PKD1L1: variants seen among roughly 807,000 people sequenced by gnomAD.
PKD1L1 encodes the protein polycystin 1 like 1, transient receptor potential channel interacting, also known as polycystin-1-like protein 1.
Under a neutral mutation model 323.4 loss-of-function variants are expected in PKD1L1, and 236 were observed. The ratio of observed to expected loss-of-function variants is 0.73; its 90% CI spans 0.66 to 0.81. The LOEUF (loss-of-function observed/expected upper bound fraction) is 0.81, where lower values mean the gene tolerates loss of function less well. Among genes scored for constraint, PKD1L1 ranks in the 40% least tolerant of loss-of-function variants. PKD1L1 has a pLI of 0.00. For synonymous variants in PKD1L1, 1,344 were observed against 1,335.0 expected, an observed-to-expected ratio of 1.01 and a Z score of -0.15; for missense variants, 3,320 against 3,508.0, an observed-to-expected ratio of 0.95 and a Z score of 1.35.
intron 7 of PKD1L1, among the ~76,000 whole-genome samples, chr7:47,917,037 C>T (rs1174477463): frequency 6.6e-6 from 1 of 151,778 alleles, no homozygotes; most frequent in South Asian, 2.1e-4. Flanking sequence ...TAGGGAGGCA[C>T]CAGAGAAAGG....
intron 12 of PKD1L1, 76 bp from the exon 13 acceptor site, chr7:47,902,587 A>C: frequency 6.7e-7 from 1 of 1,492,178 alleles, no homozygotes; most frequent in South Asian, 1.3e-5. Flanking sequence ...CTTCATACCC[A>C]CTCATATCTG....
chr7:47,792,609 A>G lies in PKD1L1; in HGVS notation c.8526+18T>C. 6.4e-7 allele frequency: 1 copy of G among 1,569,416 alleles called. No individual in the cohort carries two copies. The highest frequency in any genetic ancestry group is 1.2e-5 in the South Asian group (1 of 85,588). ...TGCTATGAAGAAAATTGACATAAAT[A>G]ATTTTGCATGGTCTTACCTCAGCAG... On this transcript the variant is annotated intron_variant, in intron 56 of 56. Transcript: ENST00000289672.
the PKD1L1 span, among the ~76,000 whole-genome samples, chr7:47,958,891 G>C: frequency 6.6e-6 from 1 of 152,082 alleles, no homozygotes; most frequent in African/African-American, 2.4e-5. Context: ...GGACTGTACT[G>C]CTGCCATCTC....
Position 47,880,114 on chromosome 7 carries a change from T to A in PKD1L1, c.3520+614A>T, listed in dbSNP as rs1786506253. Among the ~76,000 whole-genome samples the A allele has an allele frequency of 2.7e-5, 4 of 149,658 alleles. No individual in the cohort carries two copies. In the Admixed American group the frequency reaches 2.7e-4, roughly 10 times the overall value. ...GTAAGGCGAGGCCTGTGGGTGAATT[T>A]CAATGAACATCAGTGGCACAAAACA... On this transcript the variant is annotated intron_variant, in intron 21 of 56. Transcript: ENST00000289672.
chr7:47,929,306 G>C lies in PKD1L1; in HGVS notation c.958C>G (p.Leu320Val), dbSNP rs745617620. ...FRVHMASGEA[L>V]CLMMDFGDSS... ...TCCCCGAAATCCATCATCAGACAGAGAGCCTCTCCAGAAGCCATATGAACA... is the reference window on the plus strand; with the variant it reads ...TCCCCGAAATCCATCATCAGACAGACAGCCTCTCCAGAAGCCATATGAACA... The change falls in exon 7 of 57, where the codon CTC becomes GTC. Residue 320 changes from leucine to valine, a missense_variant. Transcript: ENST00000289672. The C allele has an allele frequency of 2.5e-6, 4 of 1,614,174 alleles. No homozygotes were observed. In the South Asian group the frequency reaches 3.3e-5, roughly 13 times the overall value.
chr7:47,886,795 T>C (rs1161580093), intron 17 of PKD1L1, among the ~76,000 whole-genome samples: 1 of 152,132 alleles, frequency 6.6e-6, no homozygotes, highest in Non-Finnish European at 1.5e-5. Flanking sequence ...CACTTTTCTT[T>C]ATAAATTACC....
intron 2 of PKD1L1, among the ~76,000 whole-genome samples, chr7:47,942,491 AT>A (rs1554417134): frequency 6.6e-6 from 1 of 151,812 alleles, no homozygotes; most frequent in African/African-American, 2.4e-5. Context: ...AATTAAAAAA[AT>A]TTTTTTAAAT....
chr7:47,811,781 G>A, intron 50 of PKD1L1, 36 bp downstream of exon 50: 4 of 1,522,220 alleles, frequency 2.6e-6, no homozygotes, highest in Non-Finnish European at 3.6e-6. Flanking sequence ...ATCTTCCTGT[G>A]CACCTCCAGG....
At chr7:47,906,130 AACTT>A (rs879180952) in intron 9 of PKD1L1, among the ~76,000 whole-genome samples, 168 bp from the exon 10 acceptor site, 6 of 152,220 alleles carry the variant, frequency 3.9e-5, no homozygotes, top group Admixed American at 2.0e-4. Context: ...GGGAAACATA[AACTT>A]AATCACAGAA....
chr7:47,931,726 A>G (rs1187833238), intron 5 of PKD1L1, among the ~76,000 whole-genome samples: 1 of 152,256 alleles, frequency 6.6e-6, no homozygotes, highest in Non-Finnish European at 1.5e-5. Context: ...ATGCTCTTAC[A>G]GAAAGCAAAA....
intron 13 of PKD1L1, among the ~76,000 whole-genome samples, chr7:47,899,100 A>G (rs1787021349): frequency 6.6e-6 from 1 of 152,196 alleles, no homozygotes; most frequent in African/African-American, 2.4e-5. Flanking sequence ...CTTGGTGGGA[A>G]CAGCAGAAGC....
At chr7:47,802,596 A>G (rs1784688014) in intron 53 of PKD1L1, among the ~76,000 whole-genome samples, 1 of 152,170 alleles carries the variant, frequency 6.6e-6, no homozygotes, top group Non-Finnish European at 1.5e-5. Context: ...ACTTTCCCTC[A>G]GCCCTGATTG....
rs147849423 is a variant in PKD1L1 at position 47,821,868 on chromosome 7, T to C, written c.6855-682A>G. Among the ~76,000 whole-genome samples the C allele has an allele frequency of 1.6e-3, 247 of 152,110 alleles. 3 individuals are homozygous for C. The highest frequency in any genetic ancestry group is 5.8e-3 in the African/African-American group (241 of 41,486). On this transcript the variant is annotated intron_variant, in intron 45 of 56. Transcript: ENST00000289672. ...ACGCCATGCTAATTTTTTGTATTTT[T>C]AGTAGAGATGAGGTTTCACCATGTT...
intron 15 of PKD1L1, among the ~76,000 whole-genome samples, chr7:47,893,229 C>CAAAAAAAAAAAAA (rs529686945): frequency 3.8e-5 from 2 of 53,026 alleles, no homozygotes; most frequent in South Asian, 8.3e-4. Flanking sequence ...GACCCTATCT[C>CAAAAAAAAAAAAA]AAAAAAAAAA....
intron 45 of PKD1L1, 77 bp from the exon 46 acceptor site, chr7:47,821,263 TTTATTA>T (rs139741378): frequency 5.4e-6 from 4 of 740,390 alleles, no homozygotes; most frequent in African/African-American, 3.6e-5. Context: ...TTGCAAAAGA[TTTATTA>T]TTATTATTAT....
chr7:47,928,222 T>G (rs1304056645), intron 7 of PKD1L1, among the ~76,000 whole-genome samples: 1 of 152,164 alleles, frequency 6.6e-6, no homozygotes, highest in East Asian at 1.9e-4. Flanking sequence ...CTTTCTAGAA[T>G]GTGGGAGTTT....
intron 44 of PKD1L1, 132 bp from the exon 45 acceptor site, chr7:47,827,600 G>A: frequency 1.4e-6 from 1 of 713,246 alleles, no homozygotes; most frequent in Non-Finnish European, 2.3e-6. Context: ...GAACAAAGAG[G>A]TACTTTGTAT....
chr7:47,935,523 C>T (rs999890387), intron 4 of PKD1L1, among the ~76,000 whole-genome samples: 6 of 152,242 alleles, frequency 3.9e-5, no homozygotes, highest in Non-Finnish European at 5.9e-5. Flanking sequence ...CAATTCTCCC[C>T]AATACTGCTG....
chr7:47,893,101 G>C (rs1035954892), intron 15 of PKD1L1, among the ~76,000 whole-genome samples: 2 of 151,800 alleles, frequency 1.3e-5, no homozygotes, highest in Non-Finnish European at 2.9e-5. Flanking sequence ...ATGGTGGCGC[G>C]CATCTGTAGT....
Sources: gnomAD v4.1 joint callset for allele counts (sites outside exome capture counted in the v4.1 genomes callset) on GRCh38, gnomAD v4.1.1 for gene constraint, MANE v1.5 for transcripts, NCBI Gene and HGNC (gene_info 2026-07-23, HGNC 2026-07-21) for gene names.